LRTM1: variants seen among roughly 807,000 people sequenced by gnomAD.
LRTM1 encodes the protein leucine rich repeat transmembrane protein 1.
A neutral mutation model predicts 32.4 loss-of-function variants in LRTM1; 38 were observed. That is an observed-to-expected ratio of 1.17 (90% CI 0.91 to 1.54). LRTM1 has a LOEUF of 1.54. LRTM1 is among the 40% of genes most tolerant of loss of function. The pLI is 0.00. For missense variants in LRTM1, 466 were observed against 415.4 expected, an observed-to-expected ratio of 1.12 and a Z score of -1.06; for synonymous variants, 186 against 169.9, an observed-to-expected ratio of 1.09 and a Z score of -0.74.
intron 1 of LRTM1, among the ~76,000 whole-genome samples, chr3:54,949,083 C>T (rs1293028601): frequency 6.6e-6 from 1 of 152,146 alleles, no homozygotes; most frequent in Non-Finnish European, 1.5e-5. Flanking sequence ...ATCCAGTGCC[C>T]CCAGTATTCA....
At chr3:54,931,507 T>G (rs1275229318), upstream of LRTM1, among the ~76,000 whole-genome samples, 3 of 152,100 alleles carry the variant, frequency 2.0e-5, no homozygotes, top group Non-Finnish European at 4.4e-5. Flanking sequence ...ACAGCCATGC[T>G]TGCAAAAAGA....
intron 1 of LRTM1, among the ~76,000 whole-genome samples, 195 bp downstream of exon 1, chr3:54,927,710 A>G (rs1358455075): frequency 6.6e-6 from 1 of 152,182 alleles, no homozygotes; most frequent in Non-Finnish European, 1.5e-5. Context: ...ATGACTGCAT[A>G]CATTTCTCTC....
At position 54,918,332 on chromosome 3, in the gene LRTM1, C is replaced by CT. The variant is rs533596688; in HGVS notation, c.*126dup. 4,680 of 228,046 alleles carry CT rather than the reference C, an allele frequency of 0.021. 193 individuals are homozygous for CT. Among genetic ancestry groups the CT allele is most frequent in the Non-Finnish European group, 0.028 (3,472 of 126,154 alleles). 14.1% of individuals were successfully genotyped at this position (228,046 alleles called of 1,614,324 possible). A position where few individuals can be genotyped will look rare whatever the true frequency, so the allele number is the denominator to read the frequency against. Reference sequence around the variant, plus strand: ...TTTTACAGACACATCTTTTTTTTTTCTTTTTTTTTTTTTTTTTTTTTTTGT... The same window carrying CT: ...TTTTACAGACACATCTTTTTTTTTTCTTTTTTTTTTTTTTTTTTTTTTTTGT... On this transcript the variant is annotated 3_prime_UTR_variant, in exon 3 of 3. Coordinates refer to ENST00000273286, the MANE Select transcript of LRTM1 (RefSeq NM_020678.4).
intron 2 of LRTM1, among the ~76,000 whole-genome samples, chr3:54,919,339 T>C (rs1700768311): frequency 6.6e-6 from 1 of 152,210 alleles, no homozygotes; most frequent in Admixed American, 6.5e-5. Flanking sequence ...ATTGTTGTGA[T>C]GTTATGTGTT....
rs959821854 is a variant in LRTM1, at chr3:54,918,706, C to T, written c.791G>A (p.Gly264Glu). ...CTCGCACTCCAAGAGTTCTCGCTCCCCCGCGTTGTGGTTCTCAGGAGGCCT... is the reference window on the plus strand; with the variant it reads ...CTCGCACTCCAAGAGTTCTCGCTCCTCCGCGTTGTGGTTCTCAGGAGGCCT... ...VLRPPENHNA[G>E]ERELLECELK... Residue 264 changes from glycine to glutamate, a missense_variant, in exon 3 of 3, where the codon GGG (glycine) becomes GAG (glutamate). By Grantham distance (98) the Gly-to-Glu change is moderately conservative. Coordinates refer to ENST00000273286, the MANE Select transcript of LRTM1 (RefSeq NM_020678.4). The T allele has an allele frequency of 1.2e-6, 2 of 1,614,136 alleles. No homozygotes were observed. The highest frequency in any genetic ancestry group is 2.7e-5 in the African/African-American group (2 of 75,046).
Position 54,918,410 on chromosome 3 carries a change from A to G in LRTM1, c.*49T>C. On this transcript the variant is annotated 3_prime_UTR_variant, in exon 3 of 3. Coordinates refer to ENST00000273286, the MANE Select transcript of LRTM1 (RefSeq NM_020678.4). ...CAGGAAACACATCAGCCCTACTCAG[A>G]CACTATCTTCTGGCCTGCAATGACC... The G allele has an allele frequency of 1.3e-6, 2 of 1,546,118 alleles. No individual in the cohort carries two copies. Among genetic ancestry groups the G allele is most frequent in the Non-Finnish European group, 1.8e-6 (2 of 1,135,476 alleles).
At chr3:54,952,367 G>C (rs775186002) in intron 1 of LRTM1, among the ~76,000 whole-genome samples, 2 of 152,154 alleles carry the variant, frequency 1.3e-5, no homozygotes, top group Non-Finnish European at 2.9e-5. Flanking sequence ...TCTTCAGAGG[G>C]AGGCCGCAAA....
At chr3:54,939,520 G>A (rs758714294) in intron 1 of LRTM1, among the ~76,000 whole-genome samples, 1 of 152,224 alleles carries the variant, frequency 6.6e-6, no homozygotes, top group Non-Finnish European at 1.5e-5. Context: ...GGGCCACAGG[G>A]AAAAGAGGGC....
chr3:54,924,481 G>A (rs142018419), intron 2 of LRTM1, 138 bp downstream of exon 2: 17 of 684,298 alleles, frequency 2.5e-5, no homozygotes, highest in Admixed American at 1.7e-4. Flanking sequence ...TTGCCATACC[G>A]TGAAATGGCA....
In LRTM1 at chr3:54,918,420, C is replaced by G. The variant is rs758628267; in HGVS notation, c.*39G>C. ...ATCAGCCCTACTCAGACACTATCTT[C>G]TGGCCTGCAATGACCAATCCTATTT... On this transcript the variant is annotated 3_prime_UTR_variant, in exon 3 of 3. Coordinates refer to ENST00000273286, the MANE Select transcript of LRTM1 (RefSeq NM_020678.4). The G allele has an allele frequency of 1.1e-5, 16 of 1,469,196 alleles. No individual in the cohort carries two copies. In the Admixed American group the frequency reaches 3.0e-4, roughly 27 times the overall value. The allele number at this position is 1,469,196 out of a possible 1,614,324, so 91.0% of individuals were successfully genotyped here.
chr3:54,931,317 CA>C (rs1701184811), upstream of LRTM1, among the ~76,000 whole-genome samples: 1 of 152,178 alleles, frequency 6.6e-6, no homozygotes, highest in Non-Finnish European at 1.5e-5. Flanking sequence ...AAAAGATGGA[CA>C]ATGCACACAT....
upstream of LRTM1, among the ~76,000 whole-genome samples, chr3:54,930,020 C>CT (rs2106953679): frequency 6.6e-6 from 1 of 152,306 alleles, no homozygotes; most frequent in East Asian, 1.9e-4. Context: ...CATTTTAGAC[C>CT]TTAAGAGCCA....
intron 1 of LRTM1, among the ~76,000 whole-genome samples, chr3:54,965,393 C>T (rs114390688): frequency 6.6e-6 from 1 of 152,150 alleles, no homozygotes. Context: ...TTACTGTTTC[C>T]TCCATTTGGA....
chr3:54,926,359 C>A (rs986298632), intron 1 of LRTM1, among the ~76,000 whole-genome samples: 21 of 152,120 alleles, frequency 1.4e-4, no homozygotes, highest in African/African-American at 5.1e-4. Context: ...CAAGTTCACA[C>A]AGAGTATTAT....
intron 1 of LRTM1, among the ~76,000 whole-genome samples, chr3:54,951,081 A>G (rs1701745056): frequency 6.6e-6 from 1 of 152,254 alleles, no homozygotes; most frequent in South Asian, 2.1e-4. Flanking sequence ...TGCTGCCAAA[A>G]AAATCTACAG....
At position 54,927,899 on chromosome 3, in the gene LRTM1, G is replaced by A. The variant is rs778821955; in HGVS notation, c.7+6C>T. On this transcript the variant is annotated splice_donor_region_variant and intron_variant, in intron 1 of 2. Transcript: ENST00000273286. ...ACTTTTCCAACGGGAATTGATCAGGGCTCACCTTTCATGACTGAGTCTCCT... is the reference window on the plus strand; with the variant it reads ...ACTTTTCCAACGGGAATTGATCAGGACTCACCTTTCATGACTGAGTCTCCT... 38 of 1,613,486 alleles carry A rather than the reference G, an allele frequency of 2.4e-5. 1 individual carries two copies. The highest frequency in any genetic ancestry group is 2.9e-5 in the Non-Finnish European group (34 of 1,179,684).
At chr3:54,943,708 G>A (rs943332737) in intron 1 of LRTM1, among the ~76,000 whole-genome samples, 1 of 148,692 alleles carries the variant, frequency 6.7e-6, no homozygotes, top group Non-Finnish European at 1.5e-5. Flanking sequence ...TAAATGTTTG[G>A]TATTTCTGCC....
At chr3:54,934,721 T>G (rs576174562) in intron 1 of LRTM1, among the ~76,000 whole-genome samples, 1 of 152,220 alleles carries the variant, frequency 6.6e-6, no homozygotes, top group South Asian at 2.1e-4. Flanking sequence ...CAGTCTGTTT[T>G]GTTTTGTTTT....
chr3:54,928,843 G>A (rs1017799096), upstream of LRTM1, among the ~76,000 whole-genome samples: 2 of 151,920 alleles, frequency 1.3e-5, no homozygotes, highest in African/African-American at 2.4e-5. Context: ...CAATAAAGCC[G>A]CCCCCTGTGA....
Sources: gnomAD v4.1 joint callset for allele counts (sites outside exome capture counted in the v4.1 genomes callset) on GRCh38, gnomAD v4.1.1 for gene constraint, MANE v1.5 for transcripts, NCBI Gene and HGNC (gene_info 2026-07-23, HGNC 2026-07-21) for gene names.